Variants in MEGF11 observed in about 807,000 individuals in gnomAD.
The protein encoded by MEGF11 is multiple EGF like domains 11.
MEGF11 carries 126 observed loss-of-function variants against 146.6 expected under a neutral mutation model. The ratio of observed to expected loss-of-function variants is 0.86; its 90% CI spans 0.74 to 1.00. The LOEUF is 1.00. Among genes scored for constraint, MEGF11 ranks in the 50% least tolerant of loss-of-function variants. The pLI, the probability that MEGF11 is intolerant of heterozygous loss-of-function variation, is 0.00. For synonymous variants in MEGF11, 532 were observed against 583.4 expected, an observed-to-expected ratio of 0.91 and a Z score of 1.27; for missense variants, 1,509 against 1,521.2, an observed-to-expected ratio of 0.99 and a Z score of 0.13.
chr15:66,240,880 C>T (rs775716323), intron 1 of MEGF11, among the ~76,000 whole-genome samples: 18 of 152,230 alleles, frequency 1.2e-4, no homozygotes, highest in Non-Finnish European at 2.2e-4. Context: ...TTGTGTCTTC[C>T]GTGGCATCAG....
At chr15:65,985,182 C>T (rs919661621) in intron 5 of MEGF11, among the ~76,000 whole-genome samples, 5 of 152,300 alleles carry the variant, frequency 3.3e-5, no homozygotes, top group African/African-American at 9.6e-5. Flanking sequence ...TTCTTATTTT[C>T]CCATTTGACG....
At chr15:66,064,618 A>T (rs898286459) in intron 5 of MEGF11, among the ~76,000 whole-genome samples, 2 of 151,880 alleles carry the variant, frequency 1.3e-5, no homozygotes, top group Non-Finnish European at 2.9e-5. Flanking sequence ...CCCGGATTCA[A>T]GCGATTTTCC....
At chr15:66,117,540 G>T (rs72744441) in intron 4 of MEGF11, among the ~76,000 whole-genome samples, 1 of 152,152 alleles carries the variant, frequency 6.6e-6, no homozygotes, top group African/African-American at 2.4e-5. Flanking sequence ...AAATGTGCTC[G>T]TCCATTCCTG....
chr15:65,973,134 GA>G (rs2081348869), intron 7 of MEGF11, among the ~76,000 whole-genome samples: 1 of 134,158 alleles, frequency 7.5e-6, no homozygotes, highest in African/African-American at 2.7e-5. Flanking sequence ...AAAAAAAAAA[GA>G]ATTACCCAAG....
At chr15:66,166,618 T>G (rs1453099424) in intron 1 of MEGF11, among the ~76,000 whole-genome samples, 1 of 152,066 alleles carries the variant, frequency 6.6e-6, no homozygotes, top group Non-Finnish European at 1.5e-5. Context: ...TTGTTCCCTT[T>G]GCTCCAGCCT....
chr15:65,996,761 C>G (rs901319454), intron 5 of MEGF11, among the ~76,000 whole-genome samples: 1 of 152,210 alleles, frequency 6.6e-6, no homozygotes, highest in East Asian at 1.9e-4. Context: ...GCTGGGATTA[C>G]AGGCGTGAGG....
At chr15:66,075,343 T>C (rs1235760178) in intron 5 of MEGF11, among the ~76,000 whole-genome samples, 2 of 152,242 alleles carry the variant, frequency 1.3e-5, no homozygotes, top group South Asian at 2.1e-4. Flanking sequence ...GGTTTTGCTA[T>C]GCTATGAGAA....
At chr15:66,213,762 A>T (rs981853459) in intron 1 of MEGF11, among the ~76,000 whole-genome samples, 1 of 151,990 alleles carries the variant, frequency 6.6e-6, no homozygotes, top group Admixed American at 6.6e-5. Flanking sequence ...TAATTTAAAT[A>T]ACCACATGTG....
Position 65,995,405 on chromosome 15 carries a change from C to T in MEGF11, c.395-12917G>A, listed in dbSNP as rs1384236543. Among the ~76,000 whole-genome samples, 3 of 152,222 alleles carry T rather than the reference C, an allele frequency of 2.0e-5. No individual in the cohort carries two copies. The East Asian group carries it at 5.8e-4, about 29-fold the overall frequency. On this transcript the variant is annotated intron_variant, in intron 5 of 25. Coordinates refer to ENST00000395614, the MANE Select transcript of MEGF11 (RefSeq NM_001385028.1). ...AACATCTGACAACACCCAAGTTTGT[C>T]TATACTCTGCTCAATGAGAGGAACC...
rs892639730 is a variant in MEGF11, at chr15:65,909,974, G to C, written c.2830-168C>G. On this transcript the variant is annotated intron_variant, in intron 21 of 25. Transcript: ENST00000395614. Reference sequence around the variant, plus strand: ...TAGGTGTTCCATGACAGGCCACCATGGTGTGGTTGATGCTAGTGGGAATAG... The same window carrying C: ...TAGGTGTTCCATGACAGGCCACCATCGTGTGGTTGATGCTAGTGGGAATAG... 2.3e-5 allele frequency: 16 copies of C among 705,960 alleles called. No individual in the cohort carries two copies. The African/African-American group carries it at 2.8e-4, about 12-fold the overall frequency. The allele number at this position is 705,960 out of a possible 1,614,324, so 43.7% of individuals were successfully genotyped here.
At chr15:65,964,268 T>G (rs1017877367) in intron 9 of MEGF11, among the ~76,000 whole-genome samples, 1 of 151,624 alleles carries the variant, frequency 6.6e-6, no homozygotes, top group Admixed American at 6.6e-5. Context: ...TGCCCGGATG[T>G]CCCCAAGCCA....
chr15:66,150,353 T>C (rs2089516991), intron 1 of MEGF11, among the ~76,000 whole-genome samples: 1 of 152,244 alleles, frequency 6.6e-6, no homozygotes, highest in Admixed American at 6.5e-5. Context: ...AATTATGCTG[T>C]CTTTGATCAT....
intron 1 of MEGF11, among the ~76,000 whole-genome samples, chr15:66,233,747 C>A (rs1233737442): frequency 6.6e-6 from 1 of 152,040 alleles, no homozygotes; most frequent in Non-Finnish European, 1.5e-5. Flanking sequence ...TTACTCTGAC[C>A]CAATCATGGT....
At chr15:66,046,495 G>T (rs895411481) in intron 5 of MEGF11, among the ~76,000 whole-genome samples, 3 of 152,238 alleles carry the variant, frequency 2.0e-5, no homozygotes, top group Non-Finnish European at 4.4e-5. Context: ...GAGCTGGGTG[G>T]ATGGTCAGAC....
intron 10 of MEGF11, among the ~76,000 whole-genome samples, chr15:65,955,923 A>T (rs1414888615): frequency 7.0e-6 from 1 of 143,496 alleles, no homozygotes; most frequent in Non-Finnish European, 1.5e-5. Context: ...TCCACTTCAC[A>T]TCTCAATTCA....
intron 5 of MEGF11, among the ~76,000 whole-genome samples, chr15:66,053,102 TGGTGGGTGAATG>T (rs2084518930): frequency 6.6e-6 from 1 of 151,890 alleles, no homozygotes; most frequent in Non-Finnish European, 1.5e-5. Context: ...ATGGGTAGGT[TGGTGGGTGAATG>T]GGTGGGTGGG....
At chr15:65,902,386 T>C (rs1191432777) in intron 24 of MEGF11, 1 of 152,520 alleles carries the variant, frequency 6.6e-6, no homozygotes, top group South Asian at 2.1e-4. Flanking sequence ...GCAGTGCATG[T>C]ATGTGTTGGC....
intron 1 of MEGF11, among the ~76,000 whole-genome samples, chr15:66,233,410 AT>A (rs1384333992): frequency 6.6e-6 from 1 of 151,976 alleles, no homozygotes; most frequent in Non-Finnish European, 1.5e-5. Flanking sequence ...TAATTTTTGT[AT>A]TTTTAGTAGA....
chr15:66,001,911 C>T (rs2082378069), intron 5 of MEGF11, among the ~76,000 whole-genome samples: 1 of 152,120 alleles, frequency 6.6e-6, no homozygotes, highest in Non-Finnish European at 1.5e-5. Context: ...ATCAAAAGGC[C>T]TTTGAGCCTG....
Sources: allele counts gnomAD v4.1 joint callset (sites outside exome capture counted in the v4.1 genomes callset), GRCh38; gene constraint gnomAD v4.1.1; transcripts MANE v1.5; gene names NCBI Gene and HGNC (gene_info 2026-07-23, HGNC 2026-07-21).